LRRC7: variants seen among roughly 807,000 people sequenced by gnomAD.
LRRC7 encodes leucine-rich repeat-containing protein 7.
In LRRC7, 23 loss-of-function variants were observed where a neutral mutation model predicts 175.7. The observed-to-expected ratio is 0.13, with a 90% CI of 0.09 to 0.19. The LOEUF (loss-of-function observed/expected upper bound fraction) is 0.19. LRRC7 is among the 10% of genes least tolerant of loss of function. The pLI is 1.00. For missense variants in LRRC7, 1,354 were observed against 1,904.7 expected, an observed-to-expected ratio of 0.71 and a Z score of 5.38; for synonymous variants, 685 against 680.9, an observed-to-expected ratio of 1.01 and a Z score of -0.09.
chr1:69,860,623 C>T (rs1340717006), intron 7 of LRRC7, among the ~76,000 whole-genome samples: 1 of 105,248 alleles, frequency 9.5e-6, no homozygotes, highest in African/African-American at 3.5e-5. Flanking sequence ...AGATTAATAT[C>T]AATAGGTTTT....
At chr1:69,960,866 GCCAATATCA>G (rs1651000597) in intron 8 of LRRC7, among the ~76,000 whole-genome samples, 1 of 151,962 alleles carries the variant, frequency 6.6e-6, no homozygotes, top group African/African-American at 2.4e-5. Context: ...CAAAACCACA[GCCAATATCA>G]TACTGAAGGG....
intron 2 of LRRC7, among the ~76,000 whole-genome samples, chr1:69,732,803 G>A (rs918769162): frequency 3.9e-5 from 6 of 151,972 alleles, no homozygotes; most frequent in Non-Finnish European, 8.8e-5. Flanking sequence ...GGCTGCAACT[G>A]ACACACTTTT....
chr1:70,129,777 T>C lies in LRRC7; in HGVS notation c.*7890T>C, dbSNP rs1666593938. Among the ~76,000 whole-genome samples the C allele has an allele frequency of 6.6e-6, 1 of 152,376 alleles. No individual in the cohort carries two copies. Among genetic ancestry groups the C allele is most frequent in the East Asian group, 1.9e-4 (1 of 5,190 alleles). On this transcript the variant is annotated 3_prime_UTR_variant, in exon 27 of 27. Coordinates refer to ENST00000651989, the MANE Select transcript of LRRC7 (RefSeq NM_001370785.2). ...CCCTGAAAATACTGTTTGCATGAGA[T>C]TGGATCACACATACCATGTATCATC...
intron 7 of LRRC7, among the ~76,000 whole-genome samples, chr1:69,901,683 A>T (rs910488438): frequency 1.1e-4 from 17 of 152,158 alleles, no homozygotes; most frequent in Non-Finnish European, 1.9e-4. Context: ...AGAAAACAAA[A>T]ATCATCTTTG....
At chr1:69,996,999 A>G (rs1655047996) in intron 11 of LRRC7, among the ~76,000 whole-genome samples, 1 of 152,018 alleles carries the variant, frequency 6.6e-6, no homozygotes, top group African/African-American at 2.4e-5. Context: ...CAATATGGCC[A>G]TTTTCATGAT....
intron 2 of LRRC7, among the ~76,000 whole-genome samples, chr1:69,682,198 G>A (rs530793252): frequency 6.6e-6 from 1 of 152,174 alleles, no homozygotes; most frequent in African/African-American, 2.4e-5. Flanking sequence ...TCTTCTCAGG[G>A]AGAATTACCT....
At chr1:69,574,623 G>A (rs568263448) in intron 1 of LRRC7, among the ~76,000 whole-genome samples, 60 of 152,202 alleles carry the variant, frequency 3.9e-4, no homozygotes, top group East Asian at 1.4e-3. Context: ...CACAGATGGC[G>A]TAACTAAAAC....
At chr1:70,102,812 G>C (rs569681068) in intron 25 of LRRC7, among the ~76,000 whole-genome samples, 3 of 152,144 alleles carry the variant, frequency 2.0e-5, no homozygotes, top group Non-Finnish European at 4.4e-5. Flanking sequence ...ATGAGGAAAA[G>C]TCCATAGAAG....
intron 3 of LRRC7, among the ~76,000 whole-genome samples, chr1:69,767,814 G>A (rs1454202715): frequency 6.6e-6 from 1 of 152,050 alleles, no homozygotes; most frequent in Non-Finnish European, 1.5e-5. Context: ...TTTCATAAAA[G>A]TATGCAGTGA....
chr1:69,763,455 G>A (rs1671260857), intron 3 of LRRC7, among the ~76,000 whole-genome samples: 1 of 152,028 alleles, frequency 6.6e-6, no homozygotes, highest in South Asian at 2.1e-4. Flanking sequence ...TGTGTCACAT[G>A]TTTACTGCTG....
At chr1:69,647,213 T>A (rs1402815495) in intron 1 of LRRC7, among the ~76,000 whole-genome samples, 1 of 152,160 alleles carries the variant, frequency 6.6e-6, no homozygotes, top group Non-Finnish European at 1.5e-5. Context: ...CCACACACTT[T>A]GCTAGCCAGC....
At chr1:69,879,214 A>AAAAAAAAAAAAAAC (rs1686329846) in intron 7 of LRRC7, among the ~76,000 whole-genome samples, 1 of 120,032 alleles carries the variant, frequency 8.3e-6, no homozygotes, top group African/African-American at 3.1e-5. Context: ...AACTGCTTTA[A>AAAAAAAAAAAAAAC]AAAAAAAAAA....
chr1:69,896,158 T>A (rs1307005098), intron 7 of LRRC7, among the ~76,000 whole-genome samples: 1 of 152,138 alleles, frequency 6.6e-6, no homozygotes, highest in Non-Finnish European at 1.5e-5. Flanking sequence ...TTTTTTTAAT[T>A]GTATTTTATA....
chr1:69,781,291 C>T (rs1019981292), intron 3 of LRRC7, among the ~76,000 whole-genome samples: 2 of 152,020 alleles, frequency 1.3e-5, no homozygotes, highest in Non-Finnish European at 2.9e-5. Context: ...TCCACTCTCC[C>T]CTCCCAGAAA....
intron 7 of LRRC7, among the ~76,000 whole-genome samples, chr1:69,897,231 T>C (rs1326043102): frequency 6.6e-6 from 1 of 152,160 alleles, no homozygotes; most frequent in Non-Finnish European, 1.5e-5. Context: ...CAATCTGACT[T>C]CAGTACTCAT....
intron 14 of LRRC7, among the ~76,000 whole-genome samples, chr1:70,018,323 C>T (rs1657140500): frequency 1.3e-5 from 2 of 151,960 alleles, no homozygotes; most frequent in South Asian, 2.1e-4. Context: ...CATAGATGAT[C>T]TTGCATAGCA....
At chr1:69,884,288 C>T (rs1381741361) in intron 7 of LRRC7, among the ~76,000 whole-genome samples, 51 of 90,968 alleles carry the variant, frequency 5.6e-4, no homozygotes, top group East Asian at 4.9e-3. Context: ...TCTTTTATTT[C>T]ATTGAGCAGT....
At position 70,138,450 on chromosome 1, in the gene LRRC7, C is replaced by A. The variant is rs1427957964; in HGVS notation, c.*16563C>A. The stretch of plus-strand genomic sequence containing the variant: ...TCCAAATACTTGTGGTAGTAGAAAG[C>A]AATAAATATTCTAAAATGAGGGATA... On this transcript the variant is annotated 3_prime_UTR_variant, in exon 27 of 27. Transcript: ENST00000651989. 1 of 152,030 alleles carries A rather than the reference C, an allele frequency of 6.6e-6. No individual in the cohort carries two copies. Among genetic ancestry groups the A allele is most frequent in the Non-Finnish European group, 1.5e-5 (1 of 68,008 alleles). The allele number at this position is 152,030 out of a possible 1,614,324, so 9.4% of individuals were successfully genotyped here.
At chr1:70,043,189 C>A (rs1200206165) in intron 21 of LRRC7, among the ~76,000 whole-genome samples, 1 of 151,898 alleles carries the variant, frequency 6.6e-6, no homozygotes, top group African/African-American at 2.4e-5. Flanking sequence ...AATGCAAATA[C>A]CACCAGAGTG....
Sources: gnomAD v4.1 joint callset for allele counts (sites outside exome capture counted in the v4.1 genomes callset) on GRCh38, gnomAD v4.1.1 for gene constraint, MANE v1.5 for transcripts, NCBI Gene and HGNC (gene_info 2026-07-23, HGNC 2026-07-21) for gene names.